SAMD12: variants seen among roughly 807,000 people sequenced by gnomAD.
The protein encoded by SAMD12 is sterile alpha motif domain-containing protein 12.
A neutral mutation model predicts 15.0 loss-of-function variants in SAMD12; 9 were observed. The ratio of observed to expected loss-of-function variants is 0.60; its 90% CI spans 0.36 to 1.05. SAMD12 has a LOEUF of 1.05. Among genes scored for constraint, SAMD12 ranks in the 50% least tolerant of loss-of-function variants. SAMD12 has a pLI of 0.01. For synonymous variants in SAMD12, 86 were observed against 90.1 expected, an observed-to-expected ratio of 0.96 and a Z score of 0.25; for missense variants, 230 against 234.2, an observed-to-expected ratio of 0.98 and a Z score of 0.12.
At chr8:118,520,355 G>GT (rs1422611871) in intron 2 of SAMD12, among the ~76,000 whole-genome samples, 1 of 152,150 alleles carries the variant, frequency 6.6e-6, no homozygotes, top group Non-Finnish European at 1.5e-5. Context: ...GGCAGGCATG[G>GT]TAAGAGATCA....
chr8:118,205,748 T>C (rs1819844460), intron 4 of SAMD12, among the ~76,000 whole-genome samples: 1 of 152,140 alleles, frequency 6.6e-6, no homozygotes, highest in Non-Finnish European at 1.5e-5. Flanking sequence ...AGAGGAGTAG[T>C]TCTGCTGCCT....
intron 3 of SAMD12, among the ~76,000 whole-genome samples, chr8:118,415,411 C>G (rs1040704739): frequency 6.8e-6 from 1 of 147,308 alleles, no homozygotes; most frequent in African/African-American, 2.5e-5. Flanking sequence ...GGAGAAAATG[C>G]CAGTGTAAAA....
chr8:118,249,501 C>G (rs1382579005), intron 4 of SAMD12, among the ~76,000 whole-genome samples: 1 of 152,114 alleles, frequency 6.6e-6, no homozygotes, highest in East Asian at 1.9e-4. Flanking sequence ...TTGGTTGAAT[C>G]CACAGATGCA....
intron 4 of SAMD12, among the ~76,000 whole-genome samples, chr8:118,372,627 T>C (rs1281391429): frequency 6.6e-6 from 1 of 152,080 alleles, no homozygotes; most frequent in African/African-American, 2.4e-5. Context: ...GTGTTTATAA[T>C]AAAAACCTAT....
At chr8:118,509,972 T>C (rs1825029107) in intron 2 of SAMD12, among the ~76,000 whole-genome samples, 1 of 152,210 alleles carries the variant, frequency 6.6e-6, no homozygotes, top group African/African-American at 2.4e-5. Flanking sequence ...GAGTTATCTG[T>C]GCACACTTTT....
chr8:118,356,171 A>G (rs1319653096), intron 4 of SAMD12, among the ~76,000 whole-genome samples: 1 of 152,170 alleles, frequency 6.6e-6, no homozygotes, highest in Non-Finnish European at 1.5e-5. Context: ...ATGTGCTCCC[A>G]TTTTACTTAA....
At chr8:118,487,262 T>A (rs1473841010) in intron 2 of SAMD12, among the ~76,000 whole-genome samples, 1 of 152,204 alleles carries the variant, frequency 6.6e-6, no homozygotes. Flanking sequence ...TTGTGTATTA[T>A]GTGGCACATA....
chr8:118,567,009 C>T (rs1359881703), intron 2 of SAMD12, among the ~76,000 whole-genome samples: 1 of 152,130 alleles, frequency 6.6e-6, no homozygotes, highest in African/African-American at 2.4e-5. Context: ...CAAAACATTT[C>T]CTGAGGATAA....
At chr8:118,216,362 C>G (rs1021951359) in intron 4 of SAMD12, among the ~76,000 whole-genome samples, 19 of 151,294 alleles carry the variant, frequency 1.3e-4, no homozygotes, top group Non-Finnish European at 2.7e-4. Context: ...TGGATATTAG[C>G]CCTTTGTCAG....
intron 4 of SAMD12, among the ~76,000 whole-genome samples, chr8:118,270,489 A>T (rs189666510): frequency 1.7e-4 from 26 of 152,164 alleles, no homozygotes; most frequent in African/African-American, 6.0e-4. Context: ...CTCACTCTAT[A>T]TGTTTGTTAT....
chr8:118,285,991 A>G (rs529544250), intron 4 of SAMD12, among the ~76,000 whole-genome samples: 3 of 152,330 alleles, frequency 2.0e-5, no homozygotes, highest in Admixed American at 2.0e-4. Context: ...GCAGCCATAA[A>G]AAATGATGAG....
intron 4 of SAMD12, among the ~76,000 whole-genome samples, chr8:118,226,754 C>T (rs1353320225): frequency 6.6e-6 from 1 of 152,116 alleles, no homozygotes; most frequent in African/African-American, 2.4e-5. Context: ...GAGCAAAGTT[C>T]CATGGGTGCA....
intron 4 of SAMD12, among the ~76,000 whole-genome samples, chr8:118,267,781 A>G (rs1438383207): frequency 6.6e-6 from 1 of 151,936 alleles, no homozygotes; most frequent in Non-Finnish European, 1.5e-5. Context: ...AAACTTCTCT[A>G]CAAGGTTTGC....
the SAMD12 span, among the ~76,000 whole-genome samples, chr8:118,180,504 G>C: frequency 2.0e-5 from 3 of 152,142 alleles, no homozygotes; most frequent in South Asian, 6.2e-4. Flanking sequence ...ATTCTGTCTA[G>C]TGGGCTATGG....
intron 2 of SAMD12, among the ~76,000 whole-genome samples, chr8:118,572,512 A>T (rs1359830450): frequency 6.6e-6 from 1 of 152,132 alleles, no homozygotes; most frequent in Non-Finnish European, 1.5e-5. Context: ...TGCAGGAGGG[A>T]CATAGTGGGA....
chr8:118,436,394 G>A (rs1822575856), intron 3 of SAMD12, among the ~76,000 whole-genome samples: 1 of 152,194 alleles, frequency 6.6e-6, no homozygotes, highest in Non-Finnish European at 1.5e-5. Context: ...GGTTGGTGTA[G>A]AGGGCAGCAG....
In SAMD12 at chr8:118,293,096, A is replaced by G. The variant is rs183864961; in HGVS notation, c.433+86464T>C. 1.0e-3 allele frequency among the ~76,000 whole-genome samples: 149 copies of G among 146,024 alleles called. 1 individual carries two copies. Among genetic ancestry groups the G allele is most frequent in the African/African-American group, 1.7e-3 (65 of 39,100 alleles). The stretch of plus-strand genomic sequence containing the variant: ...AAAAAAAATCAATAACAAACCTTGC[A>G]AATTGGGCATTTTTTTTTTCTTATG... On this transcript the variant is annotated intron_variant, in intron 4 of 4. Transcript: ENST00000409003.
intron 1 of SAMD12, among the ~76,000 whole-genome samples, chr8:118,595,449 C>T (rs570909818): frequency 1.3e-4 from 20 of 152,270 alleles, no homozygotes; most frequent in Admixed American, 3.3e-4. Flanking sequence ...CCAGTCAGTT[C>T]TCAATATGAC....
intron 3 of SAMD12, among the ~76,000 whole-genome samples, chr8:118,395,947 T>C (rs757692064): frequency 2.8e-5 from 4 of 144,890 alleles, no homozygotes; most frequent in Non-Finnish European, 6.1e-5. Context: ...AAAAAAAAAA[T>C]AGACCCAGAA....
Sources: allele counts gnomAD v4.1 joint callset (sites outside exome capture counted in the v4.1 genomes callset), GRCh38; gene constraint gnomAD v4.1.1; transcripts MANE v1.5; gene names NCBI Gene and HGNC (gene_info 2026-07-23, HGNC 2026-07-21).